The following BTNL3 variants were observed in gnomAD, a reference collection of about 807,000 sequenced individuals.
BTNL3 encodes the protein butyrophilin like 3, also known as butyrophilin-like protein 3.
BTNL3 carries 20 observed loss-of-function variants against 40.1 expected under a neutral mutation model. The observed-to-expected ratio is 0.50, with a 90% CI of 0.35 to 0.72. The LOEUF (loss-of-function observed/expected upper bound fraction) is 0.72, where lower values mean the gene tolerates loss of function less well. Ranked by LOEUF, BTNL3 falls within the 30% of genes least tolerant of loss-of-function variation. The pLI, the probability that BTNL3 is intolerant of heterozygous loss-of-function variation, is 0.01. For synonymous variants in BTNL3, 179 were observed against 222.1 expected (o/e 0.81, Z 1.73); for missense variants, 449 against 582.2 (o/e 0.77, Z 2.35).
Position 181,002,374 on chromosome 5 carries a change from GTGTATA to G in BTNL3, c.674-296_674-291del, listed in dbSNP as rs1219141245. ...CACACACACACACACACACGTGTGTGTGTATATATATATATATATATATATATATGA... is the reference window on the plus strand; with the variant it reads ...CACACACACACACACACACGTGTGTGTATATATATATATATATATATATGA... On this transcript the variant is annotated intron_variant, in intron 3 of 7. Transcript: ENST00000342868. Among the ~76,000 whole-genome samples, 49 of 36,086 alleles carry G rather than the reference GTGTATA, an allele frequency of 1.4e-3. 8 individuals carry two copies. The highest frequency in any genetic ancestry group is 1.9e-3 in the Non-Finnish European group (27 of 13,916). 23.7% of individuals were successfully genotyped at this position (36,086 alleles called of 152,430 possible).
At chr5:181,000,982 A>T (rs1760101316) in intron 3 of BTNL3, among the ~76,000 whole-genome samples, 2 of 136,076 alleles carry the variant, frequency 1.5e-5, no homozygotes, top group South Asian at 4.3e-4. Flanking sequence ...GAAAGAAAAA[A>T]ATTAAATGGC....
intron 1 of BTNL3, 110 bp from the exon 2 acceptor site, chr5:180,992,703 A>T (rs1759984452): frequency 1.6e-6 from 2 of 1,266,380 alleles, no homozygotes; most frequent in East Asian, 5.3e-5. Flanking sequence ...AGGTTTAGAA[A>T]GAAGACTGAT....
At position 181,005,695 on chromosome 5, in the gene BTNL3, G is replaced by C; in HGVS notation, c.1224G>C (p.Gly408=). The C allele has an allele frequency of 6.2e-7, 1 of 1,614,030 alleles. No homozygotes were observed. Among genetic ancestry groups the C allele is most frequent in the Non-Finnish European group, 8.5e-7 (1 of 1,179,998 alleles). ...CCAGCACCCCTCCTACACGAGTAGG[G>C]GTCTTCCTGGACTATGAGGGTGGGA... ...LPPSTPPTRV[G]VFLDYEGGTI... is the part of the protein sequence containing the mutation. The change falls in exon 8 of 8, where the codon GGG becomes GGC. Residue 408 remains glycine (G), a synonymous_variant. Transcript: ENST00000342868.
Position 181,005,816 on chromosome 5 carries a change from A to G in BTNL3, c.1345A>G (p.Met449Val), listed in dbSNP as rs1342863724. Residue 449 changes from methionine (M) to valine (V), a missense_variant, in exon 8 of 8, where the codon ATG becomes GTG. Physicochemically the swap from Met to Val is conservative, Grantham distance 21 (BLOSUM62 1). This residue lies in a region of BTNL3 where 126 missense variants were observed against 117.2 expected (regional missense o/e 1.07). Coordinates refer to ENST00000342868, the MANE Select transcript of BTNL3 (RefSeq NM_197975.3). ...GTTGAGACCCTATATCCAGCATGCG[A>G]TGTATGACGAGGAAAAGGGGACTCC... ...GLLRPYIQHA[M>V]YDEEKGTPIF... The G allele has an allele frequency of 1.2e-6, 2 of 1,613,758 alleles. No individual in the cohort carries two copies. Among genetic ancestry groups the G allele is most frequent in the African/African-American group, 2.7e-5 (2 of 74,854 alleles).
chr5:180,997,736 C>T lies in BTNL3; in HGVS notation c.673+248C>T, dbSNP rs755114947. Among the ~76,000 whole-genome samples the T allele has an allele frequency of 1.6e-4, 22 of 137,528 alleles. 6 individuals carry two copies. The highest frequency in any genetic ancestry group is 3.2e-4 in the Non-Finnish European group (19 of 60,082). 90.2% of individuals were successfully genotyped at this position (137,528 alleles called of 152,430 possible). ...CACACAATACCCCCATGGTGCAACACTCACAACTCAACACGTAACAAAACT... is the reference window on the plus strand; with the variant it reads ...CACACAATACCCCCATGGTGCAACATTCACAACTCAACACGTAACAAAACT... On this transcript the variant is annotated intron_variant, in intron 3 of 7. Transcript: ENST00000342868.
Position 181,005,604 on chromosome 5 carries a change from G to A in BTNL3, c.1133G>A (p.Trp378Ter). ...ACTTTGTCTCCCAACAATGGGTATT[G>A]GGTCCTCAGACTGACAACAGAACAT... ...NVTLSPNNGYWVLRLTTEHLY... is the reference protein window; with the variant it reads ...NVTLSPNNGY Residue 378 changes from tryptophan (W) to a stop codon, truncating the protein, a stop_gained, in exon 8 of 8, where the codon TGG (tryptophan) becomes TAG (stop). Transcript: ENST00000342868. LOFTEE classifies it low-confidence loss of function (END_TRUNC). 1.2e-6 allele frequency: 2 copies of A among 1,613,978 alleles called. No individual in the cohort carries two copies. Among genetic ancestry groups the A allele is most frequent in the Non-Finnish European group, 1.7e-6 (2 of 1,179,980 alleles).
Position 181,005,359 on chromosome 5 carries a change from G to A in BTNL3, c.888G>A (p.Thr296=), listed in dbSNP as rs539071016. 5.5e-5 allele frequency: 88 copies of A among 1,612,136 alleles called. No homozygotes were observed. In the East Asian group the frequency reaches 1.3e-3, roughly 24 times the overall value. ...HAVEVTLDPE[T]AHPKLCVSDL... ...TGGAGGTGACTCTGGATCCAGAGAC[G>A]GCTCACCCGAAGCTCTGCGTTTCTG... is the stretch of plus-strand genomic sequence containing the variant. Residue 296 remains threonine (T), a synonymous_variant, in exon 8 of 8, where the codon ACG becomes ACA. Transcript: ENST00000342868.
chr5:181,004,901 T>C, intron 7 of BTNL3, 139 bp downstream of exon 7: 16 of 1,523,936 alleles, frequency 1.0e-5, no homozygotes, highest in Non-Finnish European at 1.4e-5. Context: ...TAAATACACT[T>C]CTTGGCCCAG....
Position 180,991,496 on chromosome 5 carries a change from G to T in BTNL3, c.50-1317G>T, listed in dbSNP as rs969563052. 8.8e-5 allele frequency among the ~76,000 whole-genome samples: 12 copies of T among 136,708 alleles called. 2 individuals carry two copies. The highest frequency in any genetic ancestry group is 3.0e-4 in the African/African-American group (12 of 39,668). The allele number at this position is 136,708 out of a possible 152,430, so 89.7% of individuals were successfully genotyped here. A position where few individuals can be genotyped will look rare whatever the true frequency, so the allele number is the denominator to read the frequency against. The stretch of plus-strand genomic sequence containing the variant: ...CCTCCATCGTTTGTGGTCTCTCTAA[G>T]AAGAACTCTAATCATACAGAGTTGT... On this transcript the variant is annotated intron_variant, in intron 1 of 7. Coordinates refer to ENST00000342868, the MANE Select transcript of BTNL3 (RefSeq NM_197975.3).
In BTNL3 at chr5:180,997,199, T is replaced by C; in HGVS notation, c.398-14T>C. The C allele has an allele frequency of 2.0e-6, 3 of 1,464,104 alleles. 1 individual carries two copies. Among genetic ancestry groups the C allele is most frequent in the Non-Finnish European group, 2.8e-6 (3 of 1,059,348 alleles). The allele number at this position is 1,464,104 out of a possible 1,614,324, so 90.7% of individuals were successfully genotyped here. On this transcript the variant is annotated splice_polypyrimidine_tract_variant and intron_variant, in intron 2 of 7. Transcript: ENST00000342868. Reference sequence around the variant, plus strand: ...TTTGGTCTTTGCTTTCATCTTTCCCTGTTTTCTTCCCAGCACTGGGCTCAC... The same window carrying C: ...TTTGGTCTTTGCTTTCATCTTTCCCCGTTTTCTTCCCAGCACTGGGCTCAC...
intron 3 of BTNL3, among the ~76,000 whole-genome samples, chr5:180,999,566 G>A (rs1760078218): frequency 7.3e-6 from 1 of 137,048 alleles, no homozygotes; most frequent in Admixed American, 7.7e-5. Context: ...GTGGAAGGCT[G>A]AGGCGGGCAG....
intron 1 of BTNL3, among the ~76,000 whole-genome samples, chr5:180,992,365 A>G: frequency 7.3e-6 from 1 of 137,496 alleles, no homozygotes. Context: ...TCGATATTTT[A>G]TGGCCACTTA....
At position 181,002,240 on chromosome 5, in the gene BTNL3, C is replaced by A. The variant is rs1760122936; in HGVS notation, c.674-432C>A. Among the ~76,000 whole-genome samples the A allele has an allele frequency of 3.1e-5, 4 of 129,704 alleles. 1 individual carries two copies. The South Asian group carries it at 8.9e-4, about 29-fold the overall frequency. 85.1% of individuals were successfully genotyped at this position (129,704 alleles called of 152,430 possible). On this transcript the variant is annotated intron_variant, in intron 3 of 7. Coordinates refer to ENST00000342868, the MANE Select transcript of BTNL3 (RefSeq NM_197975.3). ...CATGAGGTACACAGAGGTGACCTTG[C>A]ATGTGTGGCAGTGTGTAAAGCAAGG...
chr5:180,993,074 T>C lies in BTNL3; in HGVS notation c.311T>C (p.Ile104Thr). 1.4e-6 allele frequency: 2 copies of C among 1,454,142 alleles called. 1 individual carries two copies. The highest frequency in any genetic ancestry group is 2.3e-5 in the South Asian group (2 of 88,270). 90.1% of individuals were successfully genotyped at this position (1,454,142 alleles called of 1,614,324 possible). ...GGRVSLRLKN[I>T]TPSDIGLYGC... ...CGTGTCTCTCTAAGGCTAAAAAACA[T>C]CACTCCCTCGGACATCGGCCTGTAT... Residue 104 changes from isoleucine (I) to threonine (T), a missense_variant, in exon 2 of 8, where the codon ATC becomes ACC. Transcript: ENST00000342868.
chr5:181,004,043 G>C lies in BTNL3; in HGVS notation c.808+167G>C, dbSNP rs1164523454. 3 of 1,538,724 alleles carry C rather than the reference G, an allele frequency of 1.9e-6. No homozygotes were observed. The African/African-American group carries it at 4.1e-5, about 21-fold the overall frequency. On this transcript the variant is annotated intron_variant, in intron 5 of 7. Transcript: ENST00000342868. Reference sequence around the variant, plus strand: ...ATCCACTGCTCATGAGTTACCCCTCGGACATCTGGAGGGCTTAGGATAGGC... The same window carrying C: ...ATCCACTGCTCATGAGTTACCCCTCCGACATCTGGAGGGCTTAGGATAGGC...
In BTNL3 at chr5:181,006,265, G is replaced by C. The variant is rs1396446455; in HGVS notation, c.*393G>C. On this transcript the variant is annotated 3_prime_UTR_variant, in exon 8 of 8. Transcript: ENST00000342868. Reference sequence around the variant, plus strand: ...CACAGGTGAAGATTAAAGAGACAACGAATGTGAATCATGCTTGCAGGTTTG... The same window carrying C: ...CACAGGTGAAGATTAAAGAGACAACCAATGTGAATCATGCTTGCAGGTTTG... The C allele has an allele frequency of 5.2e-6, 2 of 384,102 alleles. No individual in the cohort carries two copies. Among genetic ancestry groups the C allele is most frequent in the Non-Finnish European group, 9.2e-6 (2 of 217,400 alleles). The allele number at this position is 384,102 out of a possible 1,614,324, so 23.8% of individuals were successfully genotyped here.
rs77077795 is a variant in BTNL3 at position 180,997,241 on chromosome 5, C to T, written c.426C>T (p.Ile142=). ...TGGGCTCACTTCCTCTCATTTCCAT[C>T]GTGGGATATGTTGACGGAGGTATCC... ...AALGSLPLIS[I]VGYVDGGIQL... The change falls in exon 3 of 8, where the codon ATC becomes ATT. Residue 142 remains isoleucine (I), a synonymous_variant. Transcript: ENST00000342868. The T allele has an allele frequency of 3.9e-3, 5,693 of 1,464,426 alleles. 844 individuals are homozygous for T. The African/African-American group carries it at 0.066, about 17-fold the overall frequency. The allele number at this position is 1,464,426 out of a possible 1,614,324, so 90.7% of individuals were successfully genotyped here.
At chr5:181,001,719 C>A (rs1387548521) in intron 3 of BTNL3, among the ~76,000 whole-genome samples, 1 of 134,200 alleles carries the variant, frequency 7.5e-6, no homozygotes, top group Non-Finnish European at 1.7e-5. Flanking sequence ...GTGGCGGGCG[C>A]CTGTAGTCCC....
intron 1 of BTNL3, 39 bp from the exon 2 acceptor site, chr5:180,992,774 T>C (rs1191016752): frequency 1.4e-6 from 2 of 1,456,902 alleles, no homozygotes; most frequent in African/African-American, 1.4e-5. Context: ...AGGACTCAAG[T>C]GGATTTTGCT....
Sources: allele counts gnomAD v4.1 joint callset (sites outside exome capture counted in the v4.1 genomes callset), GRCh38; gene constraint gnomAD v4.1.1; regional missense constraint gnomAD v4.1.1; transcripts MANE v1.5; gene names NCBI Gene and HGNC (gene_info 2026-07-23, HGNC 2026-07-21).